ANKH: variants seen among roughly 807,000 people sequenced by gnomAD.
The protein encoded by ANKH is ANKH inorganic pyrophosphate transport regulator.
Under a neutral mutation model 49.0 loss-of-function variants are expected in ANKH, and 15 were observed. That is an observed-to-expected ratio of 0.31 (90% CI 0.20 to 0.47). The LOEUF (loss-of-function observed/expected upper bound fraction) is 0.47. Ranked by LOEUF, ANKH falls within the 20% of genes least tolerant of loss-of-function variation. The pLI, the probability that ANKH is intolerant of heterozygous loss-of-function variation, is 1.00. For missense variants in ANKH, 429 were observed against 652.0 expected (o/e 0.66, Z 3.72); for synonymous variants, 273 against 260.0 (o/e 1.05, Z -0.48).
At chr5:14,816,691 T>A (rs902081474) in intron 1 of ANKH, among the ~76,000 whole-genome samples, 1 of 152,174 alleles carries the variant, frequency 6.6e-6, no homozygotes, top group Non-Finnish European at 1.5e-5. Flanking sequence ...GTCAAGTACA[T>A]CTGACTGTTC....
chr5:14,785,104 A>G (rs1164198975), intron 1 of ANKH, among the ~76,000 whole-genome samples: 1 of 152,152 alleles, frequency 6.6e-6, no homozygotes, highest in African/African-American at 2.4e-5. Context: ...TCTCCCCCAA[A>G]ATATCCACTG....
intron 1 of ANKH, among the ~76,000 whole-genome samples, chr5:14,796,168 G>GT (rs972768236): frequency 1.2e-3 from 178 of 143,552 alleles, no homozygotes; most frequent in Admixed American, 1.4e-3. Flanking sequence ...TTGCAAATGT[G>GT]TTTTTTTTTT....
intron 1 of ANKH, among the ~76,000 whole-genome samples, chr5:14,827,452 T>C (rs1237936855): frequency 6.6e-6 from 1 of 152,110 alleles, no homozygotes; most frequent in Non-Finnish European, 1.5e-5. Context: ...TAAAGATAAA[T>C]GCACACATAT....
At chr5:14,802,085 C>T (rs569951326) in intron 1 of ANKH, among the ~76,000 whole-genome samples, 1 of 152,122 alleles carries the variant, frequency 6.6e-6, no homozygotes, top group Non-Finnish European at 1.5e-5. Context: ...GGTCAATGTT[C>T]CTACCTGAGA....
intron 1 of ANKH, among the ~76,000 whole-genome samples, chr5:14,861,420 A>C (rs1189607516): frequency 1.3e-5 from 2 of 152,194 alleles, no homozygotes; most frequent in African/African-American, 2.4e-5. Flanking sequence ...AAATGTCCTA[A>C]GAAGCCTCAA....
At chr5:14,749,394 G>T in intron 5 of ANKH, 88 bp from the exon 6 acceptor site, 2 of 1,450,324 alleles carry the variant, frequency 1.4e-6, no homozygotes, top group Non-Finnish European at 9.6e-7. Flanking sequence ...TCCTTCGTAT[G>T]TTAATCACAA....
chr5:14,801,765 C>A (rs993627580), intron 1 of ANKH, among the ~76,000 whole-genome samples: 9 of 152,198 alleles, frequency 5.9e-5, no homozygotes, highest in Non-Finnish European at 1.3e-4. Flanking sequence ...CTGTGTAGTC[C>A]TTGAAAGCTC....
chr5:14,713,407 G>C lies in ANKH; in HGVS notation c.1265+137C>G, dbSNP rs1476082658. 1.0e-5 allele frequency: 13 copies of C among 1,301,058 alleles called. No individual in the cohort carries two copies. Among genetic ancestry groups the C allele is most frequent in the Non-Finnish European group, 1.3e-5 (12 of 923,638 alleles). 80.6% of individuals were successfully genotyped at this position (1,301,058 alleles called of 1,614,324 possible). On this transcript the variant is annotated intron_variant, in intron 10 of 11. Transcript: ENST00000284268. This position sits in a 1 kb window ranked among gnomAD's most constrained non-coding sequence, Gnocchi z 4.4. Reference sequence around the variant, plus strand: ...AGAGCCTCCACCTGGTGCCTGGGCAGACACACAAAACATCATTCTGAATTT... The same window carrying C: ...AGAGCCTCCACCTGGTGCCTGGGCACACACACAAAACATCATTCTGAATTT...
intron 1 of ANKH, among the ~76,000 whole-genome samples, chr5:14,792,991 A>AATATATATATATAAAAAT (rs1740219779): frequency 3.5e-5 from 3 of 85,458 alleles, no homozygotes; most frequent in South Asian, 8.6e-4. Flanking sequence ...TATATATAAA[A>AATATATATATATAAAAAT]ATATATATAT....
intron 1 of ANKH, among the ~76,000 whole-genome samples, chr5:14,858,715 CAATAAATAAATAAATAAATAAATA>C (rs141592621): frequency 7.1e-6 from 1 of 139,862 alleles, no homozygotes; most frequent in Admixed American, 7.3e-5. Context: ...GAATCCATCT[CAATAAATAAATAAATAAATAAATA>C]AATAAATAAA....
Position 14,711,235 on chromosome 5 carries a change from CCTCCTCTGTCGGAGGCATGTCTGTCAT to C in ANKH, c.1414_1440del (p.Met472_Glu480del), listed in dbSNP as rs1342702734. Reference sequence around the variant, plus strand: ...TCTCTCATTTCCACGATGTCTGTCACCTCCTCTGTCGGAGGCATGTCTGTCATGGCAGAGTCTTCCCCCTCCGTGGCC... The same window carrying C: ...TCTCTCATTTCCACGATGTCTGTCACGGCAGAGTCTTCCCCCTCCGTGGCC... On this transcript the variant is annotated inframe_deletion, in exon 12 of 12. Coordinates refer to ENST00000284268, the MANE Select transcript of ANKH (RefSeq NM_054027.6). The C allele has an allele frequency of 6.2e-7, 1 of 1,614,044 alleles. No individual in the cohort carries two copies. The highest frequency in any genetic ancestry group is 8.5e-7 in the Non-Finnish European group (1 of 1,180,024).
chr5:14,823,521 T>C (rs1340040831), intron 1 of ANKH, among the ~76,000 whole-genome samples: 1 of 152,180 alleles, frequency 6.6e-6, no homozygotes, highest in Admixed American at 6.5e-5. Context: ...AATTCAGGAA[T>C]TGAGAGACTG....
intron 1 of ANKH, among the ~76,000 whole-genome samples, chr5:14,818,967 T>C (rs1209868270): frequency 2.0e-5 from 3 of 152,204 alleles, no homozygotes; most frequent in Non-Finnish European, 4.4e-5. Context: ...CATACAATAC[T>C]GTATCCTAAA....
At position 14,863,040 on chromosome 5, in the gene ANKH, G is replaced by C. The variant is rs145309725; in HGVS notation, c.96+8312C>G. 4.8e-3 allele frequency among the ~76,000 whole-genome samples: 726 copies of C among 152,224 alleles called. 7 individuals are homozygous for C. Among genetic ancestry groups the C allele is most frequent in the African/African-American group, 0.017 (692 of 41,538 alleles). The stretch of plus-strand genomic sequence containing the variant: ...AAAAGCAAGAACTCAATAAATATTA[G>C]CTATGTTTATGGTGTTTGTGTTATC... On this transcript the variant is annotated intron_variant, in intron 1 of 11. Transcript: ENST00000284268.
At chr5:14,832,058 T>C (rs1401838240) in intron 1 of ANKH, among the ~76,000 whole-genome samples, 1 of 152,172 alleles carries the variant, frequency 6.6e-6, no homozygotes, top group Non-Finnish European at 1.5e-5. Context: ...CACACAGCTC[T>C]ACTCAAAATT....
At chr5:14,814,800 A>G (rs1037684285) in intron 1 of ANKH, among the ~76,000 whole-genome samples, 5 of 152,182 alleles carry the variant, frequency 3.3e-5, no homozygotes, top group Admixed American at 3.3e-4. Flanking sequence ...CTTTCAACCT[A>G]TAGCACCTCT....
At chr5:14,746,290 C>CTTTT (rs3086709) in intron 6 of ANKH, among the ~76,000 whole-genome samples, 16 of 144,376 alleles carry the variant, frequency 1.1e-4, no homozygotes, top group African/African-American at 3.8e-4. Flanking sequence ...GCCAAGATTC[C>CTTTT]TTTTTTTTTT....
intron 7 of ANKH, among the ~76,000 whole-genome samples, chr5:14,742,902 C>A (rs7713729): frequency 6.6e-6 from 1 of 152,220 alleles, no homozygotes; most frequent in African/African-American, 2.4e-5. Context: ...CCCCAGACCA[C>A]GAAAACTGGC....
intron 1 of ANKH, among the ~76,000 whole-genome samples, chr5:14,851,982 C>T (rs937718577): frequency 2.2e-4 from 33 of 152,328 alleles, no homozygotes; most frequent in African/African-American, 7.9e-4. Flanking sequence ...CTATAACACA[C>T]TTAAAAATAG....
Sources: gnomAD v4.1 joint callset for allele counts (sites outside exome capture counted in the v4.1 genomes callset) on GRCh38, gnomAD v4.1.1 for gene constraint, Gnocchi (gnomAD v3.1) non-coding constraint, MANE v1.5 for transcripts, NCBI Gene and HGNC (gene_info 2026-07-23, HGNC 2026-07-21) for gene names.